SCAPER: variants seen among roughly 807,000 people sequenced by gnomAD.
The protein encoded by SCAPER is S phase cyclin A-associated protein in the endoplasmic reticulum.
A neutral mutation model predicts 182.2 loss-of-function variants in SCAPER; 98 were observed. The ratio of observed to expected loss-of-function variants is 0.54; its 90% CI spans 0.46 to 0.64. The LOEUF (loss-of-function observed/expected upper bound fraction) is 0.64. Ranked by LOEUF, SCAPER falls within the 30% of genes least tolerant of loss-of-function variation. The pLI, the probability that SCAPER is intolerant of heterozygous loss-of-function variation, is 0.00. For synonymous variants in SCAPER, 605 were observed against 564.6 expected (o/e 1.07, Z -1.01); for missense variants, 1,432 against 1,690.0 (o/e 0.85, Z 2.68).
At chr15:76,885,496 C>T (rs544211088) in intron 1 of SCAPER, among the ~76,000 whole-genome samples, 9 of 152,166 alleles carry the variant, frequency 5.9e-5, no homozygotes, top group Non-Finnish European at 1.2e-4. Flanking sequence ...TTCATTCACT[C>T]ATTTTGAGAC....
chr15:76,784,584 C>G (rs887564579), intron 8 of SCAPER, among the ~76,000 whole-genome samples: 2 of 152,168 alleles, frequency 1.3e-5, no homozygotes, highest in Non-Finnish European at 2.9e-5. Flanking sequence ...TCAAGACAAT[C>G]CTACGCAAAA....
chr15:76,485,283 A>T (rs1037841350), intron 24 of SCAPER, among the ~76,000 whole-genome samples: 3 of 152,174 alleles, frequency 2.0e-5, no homozygotes, highest in African/African-American at 7.2e-5. Context: ...TCCCATTCAC[A>T]ACTGCCACAA....
intron 6 of SCAPER, among the ~76,000 whole-genome samples, chr15:76,801,280 G>A (rs1339501160): frequency 6.6e-6 from 1 of 152,110 alleles, no homozygotes; most frequent in Admixed American, 6.5e-5. Flanking sequence ...TGGCATTGGT[G>A]ATACAACTAT....
intron 4 of SCAPER, among the ~76,000 whole-genome samples, chr15:76,847,916 G>A (rs2070285198): frequency 6.6e-6 from 1 of 152,120 alleles, no homozygotes; most frequent in South Asian, 2.1e-4. Context: ...GCAAGACCCT[G>A]CCTCTAAAAA....
intron 21 of SCAPER, 125 bp from the exon 22 acceptor site, chr15:76,621,954 G>A: frequency 1.6e-6 from 1 of 629,276 alleles, no homozygotes; most frequent in Non-Finnish European, 2.8e-6. Flanking sequence ...TGATTGAAGT[G>A]GCTGACTACC....
chr15:76,612,269 C>G lies in SCAPER; in HGVS notation c.2711+9495G>C, dbSNP rs73457046. ...TGCTTTTTTTTGAGACAGGGTTTCA[C>G]TCTGGTTGCCCAGGCTGGGGTGCAG... On this transcript the variant is annotated intron_variant, in intron 22 of 31. Transcript: ENST00000563290. 8.4e-3 allele frequency among the ~76,000 whole-genome samples: 1,284 copies of G among 152,270 alleles called. 22 individuals carry two copies. Among genetic ancestry groups the G allele is most frequent in the African/African-American group, 0.028 (1,163 of 41,568 alleles).
At chr15:76,809,822 G>A (rs2066454958) in intron 5 of SCAPER, among the ~76,000 whole-genome samples, 1 of 152,162 alleles carries the variant, frequency 6.6e-6, no homozygotes, top group Admixed American at 6.5e-5. Context: ...ATTGTCAAAA[G>A]TTAAAGACAA....
Position 76,434,142 on chromosome 15 carries a change from G to C in SCAPER, c.3247C>G (p.Gln1083Glu). The C allele has an allele frequency of 6.2e-7, 1 of 1,613,968 alleles. No individual in the cohort carries two copies. Residue 1083 changes from glutamine (Q) to glutamate (E), a missense_variant, in exon 26 of 32, where the codon CAG becomes GAG. Gln to Glu is a conservative substitution (Grantham distance 29). Transcript: ENST00000563290. ...TGTGAGGGTTTGTTTTTCATTTCCT[G>C]TGTTGGTATTTTTGGGGTAGCTGGC... is the stretch of plus-strand genomic sequence containing the variant. Reference protein sequence around the residue: ...CQPATPKIPTQEMKNKPSQGD... With the variant: ...CQPATPKIPTEEMKNKPSQGD...
At chr15:76,698,020 A>T (rs1450781010) in intron 20 of SCAPER, among the ~76,000 whole-genome samples, 1 of 152,102 alleles carries the variant, frequency 6.6e-6, no homozygotes, top group Admixed American at 6.6e-5. Flanking sequence ...GGATTTTTTT[A>T]AAAGTAGAGT....
chr15:76,807,799 G>T (rs1470610622), intron 5 of SCAPER, among the ~76,000 whole-genome samples: 2 of 150,760 alleles, frequency 1.3e-5, no homozygotes, highest in Non-Finnish European at 2.9e-5. Flanking sequence ...TTTGGGTGAT[G>T]GATATTTTTA....
chr15:76,711,365 C>T (rs2059553979), intron 17 of SCAPER, among the ~76,000 whole-genome samples: 2 of 152,146 alleles, frequency 1.3e-5, no homozygotes, highest in Non-Finnish European at 2.9e-5. Flanking sequence ...AAAATGAGCA[C>T]AAGCTTTGAC....
intron 5 of SCAPER, among the ~76,000 whole-genome samples, chr15:76,815,510 A>T (rs934181524): frequency 6.6e-6 from 1 of 152,226 alleles, no homozygotes; most frequent in African/African-American, 2.4e-5. Context: ...GAGTGTACTT[A>T]CAAAAACCTG....
chr15:76,461,818 A>T (rs1284849872), intron 25 of SCAPER, among the ~76,000 whole-genome samples: 2 of 152,174 alleles, frequency 1.3e-5, no homozygotes, highest in African/African-American at 4.8e-5. Flanking sequence ...TATGTCATGA[A>T]GAATCTGGAT....
intron 20 of SCAPER, among the ~76,000 whole-genome samples, chr15:76,687,081 G>A (rs936753436): frequency 6.6e-6 from 1 of 152,056 alleles, no homozygotes; most frequent in African/African-American, 2.4e-5. Flanking sequence ...TGACTGTGAT[G>A]ATAAATCTTT....
chr15:76,730,129 TAAC>T (rs1043260668), intron 16 of SCAPER, among the ~76,000 whole-genome samples: 6 of 151,916 alleles, frequency 3.9e-5, no homozygotes, highest in Admixed American at 3.9e-4. Context: ...AGAAAAAAAA[TAAC>T]AAAGCAATTT....
At chr15:76,554,696 C>T (rs917979752) in intron 23 of SCAPER, among the ~76,000 whole-genome samples, 4 of 151,174 alleles carry the variant, frequency 2.6e-5, no homozygotes, top group Non-Finnish European at 5.9e-5. Flanking sequence ...AGGGGTAAGG[C>T]CACTTACAAA....
intron 21 of SCAPER, among the ~76,000 whole-genome samples, chr15:76,637,397 T>A (rs1206605555): frequency 1.3e-5 from 2 of 152,112 alleles, no homozygotes; most frequent in African/African-American, 2.4e-5. Flanking sequence ...TTTCTCTACA[T>A]TCTTGTTACC....
chr15:76,409,368 A>G (rs552876003), intron 26 of SCAPER, among the ~76,000 whole-genome samples: 14 of 152,342 alleles, frequency 9.2e-5, no homozygotes, highest in Non-Finnish European at 1.6e-4. Context: ...GGAAAGAAAC[A>G]TGCTGCTGTA....
intron 3 of SCAPER, among the ~76,000 whole-genome samples, chr15:76,860,824 G>A (rs936569397): frequency 1.3e-5 from 2 of 151,882 alleles, no homozygotes; most frequent in Non-Finnish European, 2.9e-5. Context: ...AATAAAACAG[G>A]TGAATTCTTG....
Sources: gnomAD v4.1 joint callset for allele counts (sites outside exome capture counted in the v4.1 genomes callset) on GRCh38, gnomAD v4.1.1 for gene constraint, MANE v1.5 for transcripts, NCBI Gene and HGNC (gene_info 2026-07-23, HGNC 2026-07-21) for gene names.